Variants in ASTN2 observed in about 807,000 individuals in gnomAD.
The protein encoded by ASTN2 is astrotactin-2.
Under a neutral mutation model 139.8 loss-of-function variants are expected in ASTN2, and 54 were observed. The ratio of observed to expected loss-of-function variants is 0.39; its 90% CI spans 0.31 to 0.48. ASTN2 has a LOEUF of 0.48. ASTN2 is among the 20% of genes least tolerant of loss of function. The pLI is 0.95. For synonymous variants in ASTN2, 756 were observed against 719.5 expected (o/e 1.05, Z -0.81); for missense variants, 1,565 against 1,725.1 (o/e 0.91, Z 1.64).
intron 19 of ASTN2, among the ~76,000 whole-genome samples, chr9:116,570,057 T>C (rs1853432839): frequency 6.6e-6 from 1 of 152,230 alleles, no homozygotes; most frequent in Admixed American, 6.5e-5. Context: ...TGAAGCAGAT[T>C]ACTCGGTTCG....
chr9:116,840,862 C>T (rs10983375), intron 11 of ASTN2, among the ~76,000 whole-genome samples: 30,073 of 150,870 alleles, frequency 0.2, 3,569 homozygotes, highest in Middle Eastern at 0.29. Flanking sequence ...GATGGGATGG[C>T]GGCCGGGTAG....
At chr9:117,281,021 C>G (rs1834311696) in intron 2 of ASTN2, among the ~76,000 whole-genome samples, 2 of 152,064 alleles carry the variant, frequency 1.3e-5, no homozygotes, top group African/African-American at 4.8e-5. Context: ...ATCTTTTCTG[C>G]CCCATTTATT....
At chr9:116,796,050 C>A (rs960702083) in intron 13 of ASTN2, among the ~76,000 whole-genome samples, 1 of 152,204 alleles carries the variant, frequency 6.6e-6, no homozygotes, top group East Asian at 1.9e-4. Flanking sequence ...TTGCTTACAG[C>A]TCCTCCTTAG....
intron 19 of ASTN2, among the ~76,000 whole-genome samples, chr9:116,549,340 GAAAT>G (rs962268744): frequency 1.3e-5 from 2 of 152,148 alleles, no homozygotes; most frequent in African/African-American, 2.4e-5. Flanking sequence ...GGGACAAAAA[GAAAT>G]AAAAGCCACA....
At chr9:117,108,076 C>T (rs1285646933) in intron 4 of ASTN2, among the ~76,000 whole-genome samples, 1 of 152,128 alleles carries the variant, frequency 6.6e-6, no homozygotes, top group Non-Finnish European at 1.5e-5. Flanking sequence ...TCATTGAGTA[C>T]ATGTAAGACT....
rs1857894998 is a variant in ASTN2, at chr9:116,651,211, C to T, written c.3072+317G>A. ...AGATTACAGGCATGAGCCACCATGC[C>T]CAGCCTGCACTACTTCTCATAAAGC... On this transcript the variant is annotated intron_variant, in intron 17 of 22. Coordinates refer to ENST00000313400, the MANE Select transcript of ASTN2 (RefSeq NM_001365068.1). 1.3e-5 allele frequency among the ~76,000 whole-genome samples: 2 copies of T among 151,972 alleles called. 1 individual carries two copies. The highest frequency in any genetic ancestry group is 1.3e-4 in the Admixed American group (2 of 15,258).
chr9:116,791,341 AT>A (rs1830553661), intron 13 of ASTN2, among the ~76,000 whole-genome samples: 1 of 152,316 alleles, frequency 6.6e-6, no homozygotes, highest in Admixed American at 6.5e-5. Context: ...CTGAGGTGTG[AT>A]TTCTTTCTTG....
At chr9:117,041,599 G>A (rs73657625) in intron 5 of ASTN2, among the ~76,000 whole-genome samples, 4,188 of 152,158 alleles carry the variant, frequency 0.028, 196 homozygotes, top group African/African-American at 0.096. Context: ...GGAGGTGCAC[G>A]CATATCTGTT....
rs1164878126 is a variant in ASTN2 at position 116,565,388 on chromosome 9, C to CATATAT, written c.3355+52930_3355+52935dup. ...CTCTCTCTCTCTCTCTCTCTCTCTC[C>CATATAT]ATATATATATATATATATATATATA... On this transcript the variant is annotated intron_variant, in intron 19 of 22. Coordinates refer to ENST00000313400, the MANE Select transcript of ASTN2 (RefSeq NM_001365068.1). Among the ~76,000 whole-genome samples, 215 of 33,898 alleles carry CATATAT rather than the reference C, an allele frequency of 6.3e-3. 1 individual carries two copies. The highest frequency in any genetic ancestry group is 7.8e-3 in the African/African-American group (56 of 7,188). 22.2% of individuals were successfully genotyped at this position (33,898 alleles called of 152,430 possible). A position where few individuals can be genotyped will look rare whatever the true frequency, so the allele number is the denominator to read the frequency against.
At chr9:117,363,642 T>G (rs751329192) in intron 1 of ASTN2, among the ~76,000 whole-genome samples, 1 of 152,068 alleles carries the variant, frequency 6.6e-6, no homozygotes, top group Non-Finnish European at 1.5e-5. Context: ...TCAGAGAAGG[T>G]GGCATATTTA....
intron 13 of ASTN2, among the ~76,000 whole-genome samples, chr9:116,774,095 C>T (rs1287794077): frequency 6.6e-6 from 1 of 152,166 alleles, no homozygotes; most frequent in Non-Finnish European, 1.5e-5. Context: ...AATTCCTATA[C>T]ATGAAACTGA....
At chr9:116,903,608 T>G (rs1308224388) in intron 10 of ASTN2, among the ~76,000 whole-genome samples, 2 of 152,174 alleles carry the variant, frequency 1.3e-5, no homozygotes, top group East Asian at 1.9e-4. Flanking sequence ...CTGGCCTGGG[T>G]GCTGAACCCA....
intron 17 of ASTN2, among the ~76,000 whole-genome samples, chr9:116,650,010 C>G (rs1857820771): frequency 6.6e-6 from 1 of 152,164 alleles, no homozygotes; most frequent in African/African-American, 2.4e-5. Flanking sequence ...CTCCTTTCTC[C>G]CATGCCTTCT....
chr9:116,964,265 G>GCGCACGCA (rs1554765683), intron 10 of ASTN2, among the ~76,000 whole-genome samples: 1 of 149,810 alleles, frequency 6.7e-6, no homozygotes, highest in Non-Finnish European at 1.5e-5. Context: ...GTGCGCGCGC[G>GCGCACGCA]CGCGTGTGTG....
intron 22 of ASTN2, among the ~76,000 whole-genome samples, chr9:116,434,329 C>T (rs755644797): frequency 2.6e-5 from 4 of 152,164 alleles, no homozygotes; most frequent in Non-Finnish European, 5.9e-5. Context: ...CTCTTGTTCC[C>T]AATATCTTAA....
chr9:117,359,607 G>A (rs1829639370), intron 1 of ASTN2, among the ~76,000 whole-genome samples: 1 of 152,168 alleles, frequency 6.6e-6, no homozygotes, highest in Non-Finnish European at 1.5e-5. Flanking sequence ...TGAACCATAT[G>A]GTTCTTGAAA....
At chr9:116,799,193 G>A (rs1830777040) in intron 13 of ASTN2, among the ~76,000 whole-genome samples, 1 of 152,018 alleles carries the variant, frequency 6.6e-6, no homozygotes, top group Non-Finnish European at 1.5e-5. Context: ...AACAGCTTTG[G>A]AGACCACTTA....
chr9:117,202,782 C>T (rs185475540), intron 3 of ASTN2, among the ~76,000 whole-genome samples: 6 of 152,172 alleles, frequency 3.9e-5, no homozygotes, highest in African/African-American at 1.2e-4. Context: ...TCCTTCATTC[C>T]AACTTGGAAA....
chr9:116,665,193 C>T (rs2131970211), intron 16 of ASTN2, among the ~76,000 whole-genome samples: 1 of 152,196 alleles, frequency 6.6e-6, no homozygotes, highest in Non-Finnish European at 1.5e-5. Context: ...CCAAATAAAC[C>T]TTTTTTCCTT....
Sources: allele counts gnomAD v4.1 joint callset (sites outside exome capture counted in the v4.1 genomes callset), GRCh38; gene constraint gnomAD v4.1.1; transcripts MANE v1.5; gene names NCBI Gene and HGNC (gene_info 2026-07-23, HGNC 2026-07-21).